PPP2R1B: variants seen among roughly 807,000 people sequenced by gnomAD.
PPP2R1B encodes serine/threonine-protein phosphatase 2A 65 kDa regulatory subunit A beta isoform.
Under a neutral mutation model 72.7 loss-of-function variants are expected in PPP2R1B, and 58 were observed. That is an observed-to-expected ratio of 0.80 (90% CI 0.65 to 0.99). The LOEUF is 0.99. Among genes scored for constraint, PPP2R1B ranks in the 50% least tolerant of loss-of-function variants. The probability of loss-of-function intolerance (pLI) is 0.00; values close to 1 mark genes in which losing one functional copy is unlikely to be tolerated. For synonymous variants in PPP2R1B, 256 were observed against 264.6 expected (o/e 0.97, Z 0.32); for missense variants, 695 against 733.6 (o/e 0.95, Z 0.61).
At chr11:111,746,467 C>T (rs1944707508) in intron 11 of PPP2R1B, among the ~76,000 whole-genome samples, 1 of 152,058 alleles carries the variant, frequency 6.6e-6, no homozygotes, top group Non-Finnish European at 1.5e-5. Flanking sequence ...CACACTGAGG[C>T]CTATCAGGGG....
chr11:111,719,696 G>A, the PPP2R1B span: 2 of 1,397,804 alleles, frequency 1.4e-6, no homozygotes, highest in African/African-American at 1.4e-5. Context: ...TTCGCCACAA[G>A]TCTTGACATG....
chr11:111,707,542 A>T, the PPP2R1B span, among the ~76,000 whole-genome samples: 3 of 152,204 alleles, frequency 2.0e-5, no homozygotes, highest in Non-Finnish European at 4.4e-5. Flanking sequence ...TTCAATGCTC[A>T]TTCACATGCT....
chr11:111,718,272 G>C, the PPP2R1B span, among the ~76,000 whole-genome samples: 1 of 152,212 alleles, frequency 6.6e-6, no homozygotes, highest in Non-Finnish European at 1.5e-5. Context: ...AAGGAGCTTA[G>C]AGGTATGAAT....
At chr11:111,758,016 A>AT (rs1555050216) in intron 5 of PPP2R1B, among the ~76,000 whole-genome samples, 4 of 152,116 alleles carry the variant, frequency 2.6e-5, no homozygotes, top group African/African-American at 9.7e-5. Flanking sequence ...ATACTAACCT[A>AT]TTGATCCCAC....
chr11:111,723,383 C>T (rs1344121825), downstream of PPP2R1B: 2 of 1,188,444 alleles, frequency 1.7e-6, no homozygotes, highest in Non-Finnish European at 2.4e-6. Context: ...TTTTTGCTGA[C>T]ATGAGAGAGA....
the PPP2R1B span, among the ~76,000 whole-genome samples, chr11:111,713,766 AGACCAG>A: frequency 2.6e-5 from 4 of 152,354 alleles, no homozygotes; most frequent in African/African-American, 9.6e-5. Context: ...CAGGAGTTCA[AGACCAG>A]CGTGGCCAAC....
At chr11:111,732,025 G>C (rs900088512) in intron 15 of PPP2R1B, among the ~76,000 whole-genome samples, 1 of 152,144 alleles carries the variant, frequency 6.6e-6, no homozygotes, top group African/African-American at 2.4e-5. Context: ...TTTGTGAGTC[G>C]AAGGCTCCAG....
the PPP2R1B span, among the ~76,000 whole-genome samples, chr11:111,710,976 T>C: frequency 2.6e-5 from 4 of 152,214 alleles, no homozygotes; most frequent in East Asian, 5.8e-4. Context: ...TTCTCAGATG[T>C]GGTGCAGTGC....
chr11:111,748,153 G>C (rs567618982), intron 10 of PPP2R1B, 139 bp from the exon 11 acceptor site: 256 of 656,968 alleles, frequency 3.9e-4, no homozygotes, highest in Non-Finnish European at 6.1e-4. Flanking sequence ...AAACACCACA[G>C]GAATTACAAA....
the PPP2R1B span, among the ~76,000 whole-genome samples, chr11:111,710,216 C>G: frequency 6.6e-6 from 1 of 152,050 alleles, no homozygotes; most frequent in South Asian, 2.1e-4. Context: ...ATTTAAAAGC[C>G]TGATATTTGA....
intron 5 of PPP2R1B, among the ~76,000 whole-genome samples, chr11:111,759,176 C>T (rs750973977): frequency 2.7e-4 from 41 of 152,306 alleles, no homozygotes; most frequent in Non-Finnish European, 4.4e-4. Flanking sequence ...CAGCAAGTTA[C>T]TTAAACTTTC....
intron 3 of PPP2R1B, 44 bp from the exon 4 acceptor site, chr11:111,761,095 A>C (rs1555051288): frequency 6.6e-7 from 1 of 1,510,984 alleles, no homozygotes; most frequent in Non-Finnish European, 9.1e-7. Context: ...AACTTATTGA[A>C]TCAGGTTAGA....
chr11:111,761,016 A>G lies in PPP2R1B; in HGVS notation c.342T>C (p.Thr114=). The change falls in exon 4 of 15, where the codon ACT becomes ACC. Residue 114 remains threonine, a synonymous_variant. Coordinates refer to ENST00000527614, the MANE Select transcript of PPP2R1B (RefSeq NM_002716.5). ...PLENLATVEE[T]VVRDKAVESL... ...ACTCCACAGCCTTGTCACGAACAAC[A>G]GTCTCTTCCACAGTTGCCAGATTTT... The G allele has an allele frequency of 6.2e-7, 1 of 1,614,078 alleles. No homozygotes were observed.
chr11:111,766,110 C>T (rs1048719423), intron 1 of PPP2R1B, 138 bp downstream of exon 1: 4 of 794,150 alleles, frequency 5.0e-6, no homozygotes, highest in South Asian at 3.3e-5. Flanking sequence ...CGGAGCATTC[C>T]CCGCCTCCCC....
At chr11:111,704,855 A>G in the PPP2R1B span, 2 of 1,042,854 alleles carry the variant, frequency 1.9e-6, no homozygotes, top group Non-Finnish European at 2.7e-6. Context: ...AGCAGCTTTC[A>G]TCTTGAGACA....
rs868967534 is a variant in PPP2R1B at position 111,759,878 on chromosome 11, C to A, written c.613G>T (p.Ala205Ser). 6.2e-7 allele frequency: 1 copy of A among 1,614,016 alleles called. No homozygotes were observed. Among genetic ancestry groups the A allele is most frequent in the African/African-American group, 1.3e-5 (1 of 74,908 alleles). ...ACACTGTCTAATTCCAAAACTTTTGCAAATTCACCCAATTTGGAAGCAGCA... is the reference window on the plus strand; with the variant it reads ...ACACTGTCTAATTCCAAAACTTTTGAAAATTCACCCAATTTGGAAGCAGCA... ...RAAASKLGEFAKVLELDSVKS... is the reference protein window; with the variant it reads ...RAAASKLGEFSKVLELDSVKS... The change falls in exon 5 of 15, where the codon GCA (alanine) becomes TCA (serine). Residue 205 changes from alanine to serine, a missense_variant. Ala to Ser is a moderately conservative substitution (Grantham distance 99). Coordinates refer to ENST00000527614, the MANE Select transcript of PPP2R1B (RefSeq NM_002716.5).
the PPP2R1B span, among the ~76,000 whole-genome samples, chr11:111,704,181 A>G: frequency 6.6e-6 from 1 of 152,150 alleles, no homozygotes; most frequent in South Asian, 2.1e-4. Flanking sequence ...CTTTGCGCCC[A>G]GTGATGTTTT....
At chr11:111,747,434 CACCCAA>C (rs1944742032) in intron 11 of PPP2R1B, among the ~76,000 whole-genome samples, 1 of 152,348 alleles carries the variant, frequency 6.6e-6, no homozygotes, top group African/African-American at 2.4e-5. Flanking sequence ...GCCTTCCTTT[CACCCAA>C]ACCAGAAATC....
chr11:111,737,842 C>A, downstream of PPP2R1B: 1 of 1,261,606 alleles, frequency 7.9e-7, no homozygotes, highest in Non-Finnish European at 1.0e-6. Flanking sequence ...CACTGATGGT[C>A]TCCAGAGCCC....
Sources: allele counts gnomAD v4.1 joint callset (sites outside exome capture counted in the v4.1 genomes callset), GRCh38; gene constraint gnomAD v4.1.1; transcripts MANE v1.5; gene names NCBI Gene and HGNC (gene_info 2026-07-23, HGNC 2026-07-21).